GCA: variants seen among roughly 807,000 people sequenced by gnomAD.
GCA encodes grancalcin, EF-hand calcium-binding protein.
GCA carries 30 observed loss-of-function variants against 32.6 expected under a neutral mutation model. That is an observed-to-expected ratio of 0.92 (90% CI 0.69 to 1.25). The LOEUF (loss-of-function observed/expected upper bound fraction) is 1.25, where lower values mean the gene tolerates loss of function less well. GCA is among the 50% of genes most tolerant of loss of function. GCA has a pLI of 0.00. For synonymous variants in GCA, 102 were observed against 84.6 expected, an observed-to-expected ratio of 1.21 and a Z score of -1.13; for missense variants, 291 against 266.8, an observed-to-expected ratio of 1.09 and a Z score of -0.63.
chr2:162,356,411 A>T, intron 3 of GCA, 27 bp from the exon 4 acceptor site: 1 of 1,384,986 alleles, frequency 7.2e-7, no homozygotes, highest in Non-Finnish European at 1.0e-6. Flanking sequence ...GGCATACTCT[A>T]ATTTAAATAT....
At position 162,352,367 on chromosome 2, in the gene GCA, G is replaced by T. The variant is rs79565841; in HGVS notation, c.222G>T (p.Gln74His). 3.3e-3 allele frequency: 5,257 copies of T among 1,595,562 alleles called. 15 individuals carry two copies. Among genetic ancestry groups the T allele is most frequent in the Non-Finnish European group, 4.1e-3 (4,819 of 1,163,346 alleles). ...GTGAAGTGGATGCTGAAGAACTTCA[G>T]AGATGTTTGACACAGTCTGGAATTA... ...QDGEVDAEEL[Q>H]RCLTQSGING... The change falls in exon 3 of 8, where the codon CAG (glutamine) becomes CAT (histidine). Residue 74 changes from glutamine to histidine, a missense_variant. By Grantham distance (24) the Gln-to-His change is conservative. Transcript: ENST00000437150.
chr2:162,346,531 T>G lies in GCA; in HGVS notation c.28-1047T>G, dbSNP rs1684718760. The G allele has an allele frequency of 5.9e-5, 9 of 152,162 alleles. 1 individual carries two copies. 9.4% of individuals were successfully genotyped at this position (152,162 alleles called of 1,614,324 possible). On this transcript the variant is annotated intron_variant, in intron 1 of 7. Transcript: ENST00000437150. Reference sequence around the variant, plus strand: ...ACAGTAGAAAAGACACCATGGCAGTTCCAGACTCAATATTTTAAGAGGACT... The same window carrying G: ...ACAGTAGAAAAGACACCATGGCAGTGCCAGACTCAATATTTTAAGAGGACT...
At chr2:162,349,931 T>A (rs758285685) in intron 2 of GCA, among the ~76,000 whole-genome samples, 11 of 152,206 alleles carry the variant, frequency 7.2e-5, no homozygotes, top group Non-Finnish European at 1.6e-4. Context: ...TTCATTCCCT[T>A]GAGTGTTCAC....
chr2:162,328,105 A>T (rs1243009538), intron 1 of GCA, among the ~76,000 whole-genome samples: 1 of 149,604 alleles, frequency 6.7e-6, no homozygotes, highest in Non-Finnish European at 1.5e-5. Flanking sequence ...GCTTGCAAGG[A>T]GGTGTGGAGG....
At chr2:162,355,373 G>A (rs1685213819) in intron 3 of GCA, among the ~76,000 whole-genome samples, 2 of 152,048 alleles carry the variant, frequency 1.3e-5, no homozygotes. Context: ...CTCTTGGAAT[G>A]TCTTATAATT....
intron 1 of GCA, among the ~76,000 whole-genome samples, chr2:162,345,134 G>GGTGGTGGTGGTGGTGGTTGTGGTT (rs1404529265): frequency 6.7e-6 from 1 of 149,352 alleles, no homozygotes; most frequent in Non-Finnish European, 1.5e-5. Context: ...TGGTGGTGGT[G>GGTGGTGGTGGTGGTGGTTGTGGTT]GTTGTGGTTG....
In GCA at chr2:162,360,511, G is replaced by A; in HGVS notation, c.*268G>A. The A allele has an allele frequency of 1.0e-6, 1 of 972,236 alleles. No homozygotes were observed. Among genetic ancestry groups the A allele is most frequent in the African/African-American group, 1.7e-5 (1 of 58,630 alleles). The allele number at this position is 972,236 out of a possible 1,614,324, so 60.2% of individuals were successfully genotyped here. A position where few individuals can be genotyped will look rare whatever the true frequency, so the allele number is the denominator to read the frequency against. On this transcript the variant is annotated 3_prime_UTR_variant, in exon 8 of 8. Coordinates refer to ENST00000437150, the MANE Select transcript of GCA (RefSeq NM_012198.5). The stretch of plus-strand genomic sequence containing the variant: ...TGTATGATTAATTGATTTAAATAAT[G>A]CTTAGCCTTAATTTTAGATAATGTA...
rs1446533839 is a variant in GCA at position 162,328,474 on chromosome 2, C to T, written c.-31+9249C>T. On this transcript the variant is annotated intron_variant, in intron 1 of 4. Coordinates refer to the GCA transcript ENST00000429691. ...TTTGGAAGAAAGGCAAACCTGACAGCATTCACTCACACTCACCTTCTAAGA... is the reference window on the plus strand; with the variant it reads ...TTTGGAAGAAAGGCAAACCTGACAGTATTCACTCACACTCACCTTCTAAGA... Among the ~76,000 whole-genome samples, 5 of 152,166 alleles carry T rather than the reference C, an allele frequency of 3.3e-5. No individual in the cohort carries two copies. The East Asian group carries it at 9.6e-4, about 29-fold the overall frequency.
At chr2:162,334,646 C>G (rs1684205419) in intron 1 of GCA, among the ~76,000 whole-genome samples, 1 of 152,180 alleles carries the variant, frequency 6.6e-6, no homozygotes, top group Non-Finnish European at 1.5e-5. Flanking sequence ...GCACTCATCT[C>G]ACTTTGTTAC....
At chr2:162,325,244 T>G (rs1683833002) in intron 1 of GCA, among the ~76,000 whole-genome samples, 1 of 152,162 alleles carries the variant, frequency 6.6e-6, no homozygotes, top group African/African-American at 2.4e-5. Flanking sequence ...CTGGGAATTC[T>G]GGGGTTTGTG....
upstream of GCA, among the ~76,000 whole-genome samples, chr2:162,343,930 G>A (rs1684537317): frequency 6.6e-6 from 1 of 152,172 alleles, no homozygotes; most frequent in Non-Finnish European, 1.5e-5. Context: ...GAACCTGAGG[G>A]AGCCAGTAAG....
At chr2:162,347,894 GT>G (rs1427836577) in intron 2 of GCA, 152 bp downstream of exon 2, 1 of 423,994 alleles carries the variant, frequency 2.4e-6, no homozygotes, top group Non-Finnish European at 4.1e-6. Flanking sequence ...GATGAGCATA[GT>G]CATAATTATT....
chr2:162,352,059 T>C (rs960851805), intron 2 of GCA, among the ~76,000 whole-genome samples: 2 of 152,180 alleles, frequency 1.3e-5, no homozygotes, highest in African/African-American at 4.8e-5. Flanking sequence ...TTTCTAACTG[T>C]TTAAAATAGA....
Position 162,359,029 on chromosome 2 carries a change from TTA to T in GCA, c.455-13_455-12del. On this transcript the variant is annotated splice_polypyrimidine_tract_variant and intron_variant, in intron 5 of 7. Coordinates refer to ENST00000437150, the MANE Select transcript of GCA (RefSeq NM_012198.5). Reference sequence around the variant, plus strand: ...GTTATTTACATTTAGAAGTTTTAATTTATCTCTTTTTTAGGTTATAGGTTGAG... The same window carrying T: ...GTTATTTACATTTAGAAGTTTTAATTTCTCTTTTTTAGGTTATAGGTTGAG... The T allele has an allele frequency of 8.1e-7, 1 of 1,232,458 alleles. No homozygotes were observed. Among genetic ancestry groups the T allele is most frequent in the Non-Finnish European group, 1.2e-6 (1 of 847,958 alleles). The allele number at this position is 1,232,458 out of a possible 1,614,324, so 76.3% of individuals were successfully genotyped here. A position where few individuals can be genotyped will look rare whatever the true frequency, so the allele number is the denominator to read the frequency against.
intron 4 of GCA, 90 bp downstream of exon 4, chr2:162,356,571 A>G (rs1397012122): frequency 2.2e-6 from 2 of 894,752 alleles, no homozygotes; most frequent in African/African-American, 1.7e-5. Flanking sequence ...TGCCTGTAGT[A>G]AACTAGTGAA....
intron 1 of GCA, among the ~76,000 whole-genome samples, chr2:162,330,812 A>G (rs1380483772): frequency 6.6e-6 from 1 of 152,242 alleles, no homozygotes; most frequent in Non-Finnish European, 1.5e-5. Flanking sequence ...TATATTCTAT[A>G]AAGTCACTAT....
chr2:162,370,813 G>T (rs1685906756), intron 4 of GCA, among the ~76,000 whole-genome samples: 1 of 151,960 alleles, frequency 6.6e-6, no homozygotes, highest in African/African-American at 2.4e-5. Context: ...TGTCAGGCAG[G>T]AGTGCAGTGG....
rs1226902518 is a variant in GCA, at chr2:162,361,255, A to G, written c.*1012A>G. The G allele has an allele frequency of 1.0e-6, 1 of 984,648 alleles. No individual in the cohort carries two copies. The highest frequency in any genetic ancestry group is 1.7e-5 in the African/African-American group (1 of 57,174). The allele number at this position is 984,648 out of a possible 1,614,324, so 61.0% of individuals were successfully genotyped here. A position where few individuals can be genotyped will look rare whatever the true frequency, so the allele number is the denominator to read the frequency against. The stretch of plus-strand genomic sequence containing the variant: ...TTTGAGCATAGTAGGCACCACAGCA[A>G]CTTTTCTGCGTGGTACTAAAACTGC... On this transcript the variant is annotated 3_prime_UTR_variant, in exon 8 of 8. Transcript: ENST00000437150.
chr2:162,335,432 A>AAG (rs943351774), intron 1 of GCA, among the ~76,000 whole-genome samples: 1 of 151,578 alleles, frequency 6.6e-6, no homozygotes, highest in African/African-American at 2.4e-5. Flanking sequence ...AAAAAAAAAA[A>AAG]AGGACCAGAG....
Sources: allele counts gnomAD v4.1 joint callset (sites outside exome capture counted in the v4.1 genomes callset), GRCh38; gene constraint gnomAD v4.1.1; transcripts MANE v1.5; gene names NCBI Gene and HGNC (gene_info 2026-07-23, HGNC 2026-07-21).